The following ADGRG1 variants were observed in gnomAD, a reference collection of about 807,000 sequenced individuals.
The protein encoded by ADGRG1 is 7-transmembrane protein with no EGF-like N-terminal domains-1.
In ADGRG1, 53 loss-of-function variants were observed where a neutral mutation model predicts 73.5. That is an observed-to-expected ratio of 0.72 (90% CI 0.58 to 0.91). ADGRG1 has a LOEUF of 0.91. Among genes scored for constraint, ADGRG1 ranks in the 40% least tolerant of loss-of-function variants. ADGRG1 has a pLI of 0.00. For synonymous variants in ADGRG1, 394 were observed against 374.4 expected (o/e 1.05, Z -0.60); for missense variants, 795 against 871.8 (o/e 0.91, Z 1.11).
At chr16:57,633,172 T>C (rs538816148) in intron 1 of ADGRG1, 75 of 376,560 alleles carry the variant, frequency 2.0e-4, no homozygotes, top group Non-Finnish European at 2.6e-4. Flanking sequence ...TAACAATACA[T>C]CCCTTTGCAG....
intron 1 of ADGRG1, chr16:57,637,553 A>G (rs1402716858): frequency 2.0e-6 from 2 of 985,326 alleles, no homozygotes; most frequent in Non-Finnish European, 1.2e-6. Flanking sequence ...TTCTCCGGCC[A>G]GCAAGCCTTG....
intron 6 of ADGRG1, 37 bp downstream of exon 6, chr16:57,655,567 G>C: frequency 6.2e-7 from 1 of 1,611,734 alleles, no homozygotes; most frequent in Non-Finnish European, 8.5e-7. Context: ...CCAGGAGAAA[G>C]CAGTTTTTTT....
At position 57,633,975 on chromosome 16, in the gene ADGRG1, G is replaced by A. The variant is rs529146678; in HGVS notation, c.-36+5173G>A. 6 of 570,036 alleles carry A rather than the reference G, an allele frequency of 1.1e-5. No homozygotes were observed. In the East Asian group the frequency reaches 5.7e-4, roughly 55 times the overall value. The allele number at this position is 570,036 out of a possible 1,614,324, so 35.3% of individuals were successfully genotyped here. Reference sequence around the variant, plus strand: ...TGAGACCTGACCCAGGTTTTGGAGTGAGTTAATGTGACCCTGGGCTGGGGA... The same window carrying A: ...TGAGACCTGACCCAGGTTTTGGAGTAAGTTAATGTGACCCTGGGCTGGGGA... On this transcript the variant is annotated intron_variant, in intron 1 of 13. Transcript: ENST00000562631.
upstream of ADGRG1, chr16:57,626,652 CAG>C: frequency 3.0e-6 from 3 of 985,224 alleles, no homozygotes; most frequent in Non-Finnish European, 3.6e-6. Flanking sequence ...CAGCCATCTG[CAG>C]AGAGAGTGGT....
chr16:57,628,591 G>T, upstream of ADGRG1: 1 of 985,512 alleles, frequency 1.0e-6, no homozygotes, highest in African/African-American at 1.7e-5. Context: ...GCAGGAGAGG[G>T]GTGTCTCCCC....
upstream of ADGRG1, chr16:57,626,626 G>C: frequency 2.0e-6 from 2 of 985,440 alleles, no homozygotes; most frequent in Non-Finnish European, 2.4e-6. Context: ...AGTGGCAGCT[G>C]GCTCCGCACT....
At position 57,656,493 on chromosome 16, in the gene ADGRG1, C is replaced by T; in HGVS notation, c.1064-21C>T. The T allele has an allele frequency of 1.9e-6, 3 of 1,596,016 alleles. No individual in the cohort carries two copies. The South Asian group carries it at 3.3e-5, about 18-fold the overall frequency. On this transcript the variant is annotated intron_variant, in intron 8 of 13. Transcript: ENST00000562631. ...CTGGAGGACTGGACTTGATTGGAGCCCCGTGCTGTCCCCTCCTCAGTGAGC... is the reference window on the plus strand; with the variant it reads ...CTGGAGGACTGGACTTGATTGGAGCTCCGTGCTGTCCCCTCCTCAGTGAGC...
At chr16:57,631,258 AC>A in intron 1 of ADGRG1, 1 of 986,366 alleles carries the variant, frequency 1.0e-6, no homozygotes, top group Non-Finnish European at 1.2e-6. Flanking sequence ...GCCCAGCATG[AC>A]AAAGGCAGGT....
At chr16:57,623,521 C>T (rs1483709400), upstream of ADGRG1, among the ~76,000 whole-genome samples, 2 of 152,258 alleles carry the variant, frequency 1.3e-5, no homozygotes, top group South Asian at 2.1e-4. Context: ...TGAGCTGGCA[C>T]CAAGGCTTGC....
At chr16:57,654,179 GC>G in intron 5 of ADGRG1, 46 bp downstream of exon 5, 1 of 1,586,010 alleles carries the variant, frequency 6.3e-7, no homozygotes, top group Non-Finnish European at 8.6e-7. Flanking sequence ...TTGGGCCGGG[GC>G]CAGATGGAGG....
intron 1 of ADGRG1, chr16:57,640,979 C>T (rs985405848): frequency 3.9e-5 from 38 of 985,138 alleles, no homozygotes; most frequent in African/African-American, 1.7e-4. Context: ...AACTGAGGTC[C>T]GGCTGTGGTT....
intron 1 of ADGRG1, among the ~76,000 whole-genome samples, chr16:57,638,036 C>G (rs945191730): frequency 2.6e-5 from 4 of 152,186 alleles, no homozygotes; most frequent in South Asian, 4.1e-4. Flanking sequence ...CTGGGGCGTA[C>G]CACAGTTTTT....
At chr16:57,660,224 G>A (rs371010053) in intron 11 of ADGRG1, 46 of 984,674 alleles carry the variant, frequency 4.7e-5, no homozygotes, top group Non-Finnish European at 5.4e-5. Flanking sequence ...CTCAACCTCC[G>A]CATGCCCCTG....
At chr16:57,644,232 ACACACTCATG>A (rs1352072776) in intron 1 of ADGRG1, 7 of 976,570 alleles carry the variant, frequency 7.2e-6, no homozygotes, top group Non-Finnish European at 8.5e-6. Flanking sequence ...ACTCATGCAC[ACACACTCATG>A]CACACACATG....
chr16:57,649,784 CT>C lies in ADGRG1; in HGVS notation c.-35-458del, dbSNP rs370663242. Among the ~76,000 whole-genome samples, 2,867 of 146,136 alleles carry C rather than the reference CT, an allele frequency of 0.02. 180 individuals are homozygous for C. The East Asian group carries it at 0.23, about 12-fold the overall frequency. Reference sequence around the variant, plus strand: ...GGACTCTGGACAGCCACTCCCCCGCCTTTTTTTTTTTAAAGCAGGGTCTCAC... The same window carrying C: ...GGACTCTGGACAGCCACTCCCCCGCCTTTTTTTTTTAAAGCAGGGTCTCAC... On this transcript the variant is annotated intron_variant, in intron 1 of 13. Coordinates refer to ENST00000562631, the MANE Select transcript of ADGRG1 (RefSeq NM_201525.4).
intron 1 of ADGRG1, chr16:57,631,601 T>C: frequency 1.0e-6 from 1 of 985,462 alleles, no homozygotes. Context: ...GACCCCGCCT[T>C]CTGACTCACA....
chr16:57,657,300 C>A (rs1018123974), intron 9 of ADGRG1, 73 bp from the exon 10 acceptor site: 1 of 1,608,190 alleles, frequency 6.2e-7, no homozygotes, highest in Admixed American at 1.7e-5. Context: ...CCAGGTTAGC[C>A]CCTCACGCAG....
chr16:57,631,171 G>A lies in ADGRG1; in HGVS notation c.-36+2369G>A, dbSNP rs374518941. ...GTGAGGGAGACGAGGGGGAGGTGGC[G>A]CCCAGTCGAGGGGAAGGACAGGAGA... On this transcript the variant is annotated intron_variant, in intron 1 of 13. Coordinates refer to ENST00000562631, the MANE Select transcript of ADGRG1 (RefSeq NM_201525.4). 52 of 986,230 alleles carry A rather than the reference G, an allele frequency of 5.3e-5. No individual in the cohort carries two copies. The East Asian group carries it at 7.9e-4, about 15-fold the overall frequency. The allele number at this position is 986,230 out of a possible 1,614,324, so 61.1% of individuals were successfully genotyped here. A position where few individuals can be genotyped will look rare whatever the true frequency, so the allele number is the denominator to read the frequency against.
chr16:57,661,821 A>C lies in ADGRG1; in HGVS notation c.1789A>C (p.Thr597Pro), dbSNP rs780283494. ...VVQILRLRPHTQKWSHVLTLL... is the reference protein window; with the variant it reads ...VVQILRLRPHPQKWSHVLTLL... ...GCAGATCCTGCGGCTGCGCCCCCACACCCAAAAGTGGTCACATGTGCTGAC... is the reference window on the plus strand; with the variant it reads ...GCAGATCCTGCGGCTGCGCCCCCACCCCCAAAAGTGGTCACATGTGCTGAC... Residue 597 changes from threonine (T) to proline (P), a missense_variant, in exon 13 of 14, where the codon ACC becomes CCC. Coordinates refer to ENST00000562631, the MANE Select transcript of ADGRG1 (RefSeq NM_201525.4). The C allele has an allele frequency of 1.2e-6, 2 of 1,614,098 alleles. No homozygotes were observed.
Sources: gnomAD v4.1 joint callset for allele counts (sites outside exome capture counted in the v4.1 genomes callset) on GRCh38, gnomAD v4.1.1 for gene constraint, MANE v1.5 for transcripts, NCBI Gene and HGNC (gene_info 2026-07-23, HGNC 2026-07-21) for gene names.